The following TRIO variants were observed in gnomAD, a reference collection of about 807,000 sequenced individuals.
The protein encoded by TRIO is trio Rho guanine nucleotide exchange factor, also known as triple functional domain protein.
Under a neutral mutation model 351.9 loss-of-function variants are expected in TRIO, and 58 were observed. The observed-to-expected ratio is 0.16, with a 90% CI of 0.13 to 0.21. The LOEUF is 0.21. Ranked by LOEUF, TRIO falls within the 10% of genes least tolerant of loss-of-function variation. The pLI is 1.00. For missense variants in TRIO, 3,201 were observed against 4,027.8 expected (o/e 0.79, Z 5.56); for synonymous variants, 1,758 against 1,595.7 (o/e 1.10, Z -2.42).
chr5:14,479,975 A>G lies in TRIO; in HGVS notation c.6300A>G (p.Pro2100=). The G allele has an allele frequency of 6.2e-7, 1 of 1,614,188 alleles. No homozygotes were observed. The highest frequency in any genetic ancestry group is 8.5e-7 in the Non-Finnish European group (1 of 1,180,014). The part of the protein sequence containing the change: ...RLQLTDLLIK[P]VQRIMKYQLL... ...AGCTCACAGATCTGTTGATCAAACC[A>G]GTGCAGAGAATCATGAAGTATCAGC... Residue 2100 remains proline, a synonymous_variant, in exon 43 of 57, where the codon CCA becomes CCG. Coordinates refer to ENST00000344204, the MANE Select transcript of TRIO (RefSeq NM_007118.4).
intron 55 of TRIO, 42 bp downstream of exon 55, chr5:14,504,635 T>A (rs1467546690): frequency 1.2e-6 from 2 of 1,600,834 alleles, no homozygotes; most frequent in East Asian, 2.2e-5. Context: ...GCCCTCTGCC[T>A]CCACCTCAGG....
intron 55 of TRIO, among the ~76,000 whole-genome samples, chr5:14,504,891 G>A (rs1220173242): frequency 6.8e-6 from 1 of 147,262 alleles, no homozygotes; most frequent in Admixed American, 6.8e-5. Context: ...AAGGTCCCAT[G>A]AGGCCAGGCT....
rs1292430926 is a variant in TRIO at position 14,368,798 on chromosome 5, G to A, written c.2965G>A (p.Ala989Thr). The part of the protein sequence containing the change: ...HYDMDMIRDC[A>T]EKVASHWQQL... ...CGACATGGACATGATCCGGGACTGC[G>A]CCGAGAAGGTGGCGTCTCACTGGCA... Residue 989 changes from alanine to threonine, a missense_variant, in exon 17 of 57, where the codon GCC (alanine) becomes ACC (threonine). Ala to Thr is a moderately conservative substitution (Grantham distance 58). Coordinates refer to ENST00000344204, the MANE Select transcript of TRIO (RefSeq NM_007118.4). 8 of 1,613,972 alleles carry A rather than the reference G, an allele frequency of 5.0e-6. No individual in the cohort carries two copies. Among genetic ancestry groups the A allele is most frequent in the African/African-American group, 1.3e-5 (1 of 74,886 alleles).
Position 14,262,100 on chromosome 5 carries a change from G to A in TRIO, c.158-8725G>A, listed in dbSNP as rs180700226. On this transcript the variant is annotated intron_variant, in intron 1 of 56. Coordinates refer to ENST00000344204, the MANE Select transcript of TRIO (RefSeq NM_007118.4). ...GCTGGGTGTTAAGTTCATGCTCTGC[G>A]CCATGGCAGTCTGCTCAGTGAGACT... Among the ~76,000 whole-genome samples the A allele has an allele frequency of 9.2e-5, 14 of 152,322 alleles. No homozygotes were observed. The East Asian group carries it at 2.1e-3, about 23-fold the overall frequency.
intron 37 of TRIO, among the ~76,000 whole-genome samples, chr5:14,468,879 G>T (rs1215657986): frequency 6.6e-6 from 1 of 152,174 alleles, no homozygotes; most frequent in Non-Finnish European, 1.5e-5. Context: ...AAAACCTGAG[G>T]ATTTGACTCG....
chr5:14,487,191 T>C lies in TRIO; in HGVS notation c.6836-273T>C, dbSNP rs1237635555. Among the ~76,000 whole-genome samples the C allele has an allele frequency of 4.6e-5, 7 of 152,126 alleles. No individual in the cohort carries two copies. In the East Asian group the frequency reaches 1.2e-3, roughly 25 times the overall value. On this transcript the variant is annotated intron_variant, in intron 47 of 56. Transcript: ENST00000344204. ...CAGTTGGTAGCTGGAGGAGTTCTAGTCAAATCTGTTGCCTTGGTCTTCCTG... is the reference window on the plus strand; with the variant it reads ...CAGTTGGTAGCTGGAGGAGTTCTAGCCAAATCTGTTGCCTTGGTCTTCCTG...
chr5:14,315,325 T>C (rs1739287185), intron 8 of TRIO, among the ~76,000 whole-genome samples: 1 of 150,834 alleles, frequency 6.6e-6, no homozygotes, highest in Non-Finnish European at 1.5e-5. Flanking sequence ...CGATCTCGGC[T>C]CACTGCAACT....
At chr5:14,235,296 T>C (rs1320402270) in intron 1 of TRIO, among the ~76,000 whole-genome samples, 2 of 152,198 alleles carry the variant, frequency 1.3e-5, no homozygotes, top group Non-Finnish European at 1.5e-5. Context: ...TACAAACTAA[T>C]GTAAATTCCA....
rs1004632084 is a variant in TRIO, at chr5:14,487,915, C to G, written c.7287C>G (p.Ser2429Arg). Residue 2429 changes from serine (S) to arginine (R), a missense_variant, in exon 48 of 57, where the codon AGC becomes AGG. Coordinates refer to ENST00000344204, the MANE Select transcript of TRIO (RefSeq NM_007118.4). ...RKGAANASGS[S>R]PDAPAKDARA... ...GCGCCGCGAACGCCTCGGGGTCGAG[C>G]CCAGACGCCCCCGCCAAGGACGCGC... The G allele has an allele frequency of 3.9e-6, 6 of 1,538,472 alleles. No individual in the cohort carries two copies. The Middle Eastern group carries it at 7.5e-4, about 193-fold the overall frequency.
chr5:14,377,910 C>A, intron 19 of TRIO, 102 bp from the exon 20 acceptor site: 1 of 841,210 alleles, frequency 1.2e-6, no homozygotes, highest in Non-Finnish European at 1.9e-6. Flanking sequence ...TGCTGTCTTG[C>A]AATGGCATTT....
chr5:14,502,743 G>A (rs1757386177), intron 54 of TRIO, 86 bp downstream of exon 54: 2 of 1,316,310 alleles, frequency 1.5e-6, no homozygotes, highest in Non-Finnish European at 2.2e-6. Flanking sequence ...GCTAAGCAGT[G>A]TTATCTTGCC....
chr5:14,196,539 C>T (rs1222854343), intron 1 of TRIO, among the ~76,000 whole-genome samples: 1 of 152,040 alleles, frequency 6.6e-6, no homozygotes, highest in African/African-American at 2.4e-5. Flanking sequence ...TGTTTTCCAG[C>T]ACACATCATA....
rs540052882 is a variant in TRIO, at chr5:14,325,634, G to A, written c.1732-5144G>A. The stretch of plus-strand genomic sequence containing the variant: ...ATCATATTGCAGTGTGGGACTTGGC[G>A]GGGCCAAACAAACCACAGCAGAGAG... On this transcript the variant is annotated intron_variant, in intron 9 of 56. Transcript: ENST00000344204. Among the ~76,000 whole-genome samples, 3 of 152,260 alleles carry A rather than the reference G, an allele frequency of 2.0e-5. No individual in the cohort carries two copies. The East Asian group carries it at 5.8e-4, about 29-fold the overall frequency.
chr5:14,210,384 C>T (rs562524670), intron 1 of TRIO, among the ~76,000 whole-genome samples: 3 of 152,308 alleles, frequency 2.0e-5, no homozygotes, highest in African/African-American at 7.2e-5. Context: ...GGCTCCGCAC[C>T]CTCTGCTGTG....
chr5:14,362,046 A>G (rs775285103), intron 13 of TRIO, among the ~76,000 whole-genome samples: 2 of 152,188 alleles, frequency 1.3e-5, no homozygotes, highest in Non-Finnish European at 2.9e-5. Flanking sequence ...CCCCAGAGGC[A>G]GAGGTTGCCA....
intron 1 of TRIO, among the ~76,000 whole-genome samples, chr5:14,267,175 G>C (rs1187553885): frequency 6.6e-6 from 1 of 152,104 alleles, no homozygotes; most frequent in African/African-American, 2.4e-5. Context: ...CTCTCAAGTT[G>C]CTCTTCTTTG....
intron 1 of TRIO, among the ~76,000 whole-genome samples, chr5:14,236,955 C>T (rs1213359602): frequency 6.6e-6 from 1 of 152,210 alleles, no homozygotes; most frequent in Non-Finnish European, 1.5e-5. Flanking sequence ...CACAGGGAAG[C>T]TTCTCAGCCT....
intron 47 of TRIO, among the ~76,000 whole-genome samples, 191 bp downstream of exon 47, chr5:14,485,437 C>T (rs1242217819): frequency 1.3e-5 from 2 of 152,162 alleles, no homozygotes; most frequent in African/African-American, 4.8e-5. Context: ...ATTATTCCTG[C>T]TTTACAGATG....
At chr5:14,266,663 T>A (rs1030109587) in intron 1 of TRIO, among the ~76,000 whole-genome samples, 8 of 152,196 alleles carry the variant, frequency 5.3e-5, no homozygotes, top group Non-Finnish European at 1.0e-4. Flanking sequence ...CTCTAAACAT[T>A]CCAATTTGTT....
Sources: gnomAD v4.1 joint callset for allele counts (sites outside exome capture counted in the v4.1 genomes callset) on GRCh38, gnomAD v4.1.1 for gene constraint, MANE v1.5 for transcripts, NCBI Gene and HGNC (gene_info 2026-07-23, HGNC 2026-07-21) for gene names.